The following INSYN2B variants were observed in gnomAD, a reference collection of about 807,000 sequenced individuals.
INSYN2B encodes the protein inhibitory synaptic factor family member 2B, also known as protein INSYN2B.
Under a neutral mutation model 41.2 loss-of-function variants are expected in INSYN2B, and 16 were observed. The observed-to-expected ratio is 0.39, with a 90% CI of 0.26 to 0.59. INSYN2B has a LOEUF of 0.59. INSYN2B is among the 20% of genes least tolerant of loss of function. The pLI, the probability that INSYN2B is intolerant of heterozygous loss-of-function variation, is 0.57. For missense variants in INSYN2B, 608 were observed against 646.4 expected (o/e 0.94, Z 0.64); for synonymous variants, 245 against 244.4 (o/e 1.00, Z -0.02).
At chr5:169,935,322 C>T (rs927984171) in intron 1 of INSYN2B, among the ~76,000 whole-genome samples, 1 of 152,192 alleles carries the variant, frequency 6.6e-6, no homozygotes, top group African/African-American at 2.4e-5. Flanking sequence ...ATCTCCCATG[C>T]CTGTGTAGGG....
At chr5:169,897,816 C>T (rs1773700073) in intron 1 of INSYN2B, among the ~76,000 whole-genome samples, 1 of 152,168 alleles carries the variant, frequency 6.6e-6, no homozygotes, top group Non-Finnish European at 1.5e-5. Flanking sequence ...TCCTTCATCC[C>T]AGGATACTTT....
chr5:169,946,249 A>C (rs989167521), intron 1 of INSYN2B, among the ~76,000 whole-genome samples: 50 of 152,212 alleles, frequency 3.3e-4, no homozygotes, highest in Admixed American at 1.2e-3. Flanking sequence ...GCCACAGTGA[A>C]GAAAGCAGTG....
chr5:169,956,216 T>C (rs2113735164), intron 1 of INSYN2B, among the ~76,000 whole-genome samples: 1 of 152,334 alleles, frequency 6.6e-6, no homozygotes, highest in African/African-American at 2.4e-5. Flanking sequence ...GTTGAGCAAG[T>C]GCTAAGCTGC....
At chr5:169,891,615 A>T (rs1773286861) in intron 1 of INSYN2B, among the ~76,000 whole-genome samples, 1 of 152,126 alleles carries the variant, frequency 6.6e-6, no homozygotes, top group African/African-American at 2.4e-5. Context: ...AAAAACCACG[A>T]AGACAACCCC....
At chr5:169,951,860 C>G (rs1458933273) in intron 1 of INSYN2B, among the ~76,000 whole-genome samples, 1 of 152,026 alleles carries the variant, frequency 6.6e-6, no homozygotes, top group Non-Finnish European at 1.5e-5. Flanking sequence ...GGAAACTTGC[C>G]CAAGATCACA....
rs543310367 is a variant in INSYN2B, at chr5:169,942,714, G to C, written c.-919+37563C>G. On this transcript the variant is annotated intron_variant, in intron 1 of 3. Coordinates refer to ENST00000377365, the MANE Select transcript of INSYN2B (RefSeq NM_001129891.3). ...CAGAGAAATAGAGGACACAGCTCCT[G>C]CCCTCCACATTGGTCGGAGAGACCA... 1.7e-4 allele frequency among the ~76,000 whole-genome samples: 26 copies of C among 152,260 alleles called. 1 individual carries two copies. The East Asian group carries it at 4.6e-3, about 27-fold the overall frequency.
At chr5:169,872,719 C>T (rs1772062343) in intron 3 of INSYN2B, among the ~76,000 whole-genome samples, 1 of 152,150 alleles carries the variant, frequency 6.6e-6, no homozygotes, top group African/African-American at 2.4e-5. Flanking sequence ...CACACTTATT[C>T]ACTGACGATG....
At chr5:169,926,960 G>T (rs545732977) in intron 1 of INSYN2B, among the ~76,000 whole-genome samples, 12 of 152,326 alleles carry the variant, frequency 7.9e-5, no homozygotes, top group Admixed American at 5.9e-4. Context: ...CAGAAATGAG[G>T]CTGGCTACTT....
At chr5:169,878,805 G>A (rs1323988110) in intron 3 of INSYN2B, among the ~76,000 whole-genome samples, 1 of 152,178 alleles carries the variant, frequency 6.6e-6, no homozygotes, top group Non-Finnish European at 1.5e-5. Flanking sequence ...GAATCAGCTG[G>A]TGGTTTAGAG....
rs1172168537 is a variant in INSYN2B, at chr5:169,863,059, A to G, written c.*1214T>C. ...TCATCCACAAGAGTATATAGCAATTACTTAATTATATTACTTTAGTAGTTT... is the reference window on the plus strand; with the variant it reads ...TCATCCACAAGAGTATATAGCAATTGCTTAATTATATTACTTTAGTAGTTT... On this transcript the variant is annotated 3_prime_UTR_variant, in exon 4 of 4. Coordinates refer to ENST00000377365, the MANE Select transcript of INSYN2B (RefSeq NM_001129891.3). 1.3e-5 allele frequency among the ~76,000 whole-genome samples: 2 copies of G among 152,214 alleles called. No homozygotes were observed. Among genetic ancestry groups the G allele is most frequent in the African/African-American group, 4.8e-5 (2 of 41,458 alleles).
intron 1 of INSYN2B, among the ~76,000 whole-genome samples, chr5:169,960,361 T>C (rs1409269875): frequency 6.6e-6 from 1 of 152,234 alleles, no homozygotes; most frequent in African/African-American, 2.4e-5. Flanking sequence ...TGAAAGGTGC[T>C]ATTTCTGGTT....
chr5:169,890,725 C>T (rs1773231966), intron 1 of INSYN2B, among the ~76,000 whole-genome samples: 1 of 152,054 alleles, frequency 6.6e-6, no homozygotes, highest in African/African-American at 2.4e-5. Context: ...TATTTGGGAC[C>T]CTGAAAGATG....
At chr5:169,971,428 C>CTT (rs34124700) in intron 1 of INSYN2B, among the ~76,000 whole-genome samples, 16 of 135,204 alleles carry the variant, frequency 1.2e-4, no homozygotes, top group Non-Finnish European at 1.6e-4. Flanking sequence ...CTCCTAGAGC[C>CTT]TTTTTTTTTT....
Position 169,863,694 on chromosome 5 carries a change from G to A in INSYN2B, c.*579C>T, listed in dbSNP as rs1383528060. Reference sequence around the variant, plus strand: ...CAGAGCCTTAATTTGGGATCAAGGGGCTAATTAAAAAGGAAAACAACCCAA... The same window carrying A: ...CAGAGCCTTAATTTGGGATCAAGGGACTAATTAAAAAGGAAAACAACCCAA... On this transcript the variant is annotated 3_prime_UTR_variant, in exon 4 of 4. Transcript: ENST00000377365. 6.6e-6 allele frequency among the ~76,000 whole-genome samples: 1 copy of A among 152,186 alleles called. No individual in the cohort carries two copies. Among genetic ancestry groups the A allele is most frequent in the Admixed American group, 6.5e-5 (1 of 15,280 alleles).
chr5:169,978,394 G>GTGTGTGT (rs1561863716), intron 1 of INSYN2B, among the ~76,000 whole-genome samples: 4 of 99,350 alleles, frequency 4.0e-5, no homozygotes, highest in African/African-American at 2.2e-4. Flanking sequence ...TGTGTGTGTG[G>GTGTGTGT]GGGGGGGGGG....
At chr5:169,896,284 G>A (rs1463699125) in intron 1 of INSYN2B, among the ~76,000 whole-genome samples, 1 of 152,170 alleles carries the variant, frequency 6.6e-6, no homozygotes, top group African/African-American at 2.4e-5. Context: ...TTTATCTGAA[G>A]TACCGGGACC....
At chr5:169,906,811 A>G (rs1774306298) in intron 1 of INSYN2B, among the ~76,000 whole-genome samples, 1 of 152,200 alleles carries the variant, frequency 6.6e-6, no homozygotes, top group African/African-American at 2.4e-5. Context: ...TAAGCTCTGG[A>G]AAGTCTATAG....
At chr5:169,870,246 G>T (rs952929349) in intron 3 of INSYN2B, among the ~76,000 whole-genome samples, 1 of 152,278 alleles carries the variant, frequency 6.6e-6, no homozygotes, top group South Asian at 2.1e-4. Flanking sequence ...CCTCTTGGGG[G>T]TACCTCACTA....
At chr5:169,935,880 A>G (rs1775970172) in intron 1 of INSYN2B, among the ~76,000 whole-genome samples, 1 of 152,228 alleles carries the variant, frequency 6.6e-6, no homozygotes, top group African/African-American at 2.4e-5. Context: ...CATTTACTCC[A>G]CAGAGCAGGA....
Sources: allele counts gnomAD v4.1 joint callset (sites outside exome capture counted in the v4.1 genomes callset), GRCh38; gene constraint gnomAD v4.1.1; transcripts MANE v1.5; gene names NCBI Gene and HGNC (gene_info 2026-07-23, HGNC 2026-07-21).